NKAIN2: variants seen among roughly 807,000 people sequenced by gnomAD.
NKAIN2 encodes the protein sodium/potassium-transporting ATPase subunit beta-1-interacting protein 2.
In NKAIN2, 14 loss-of-function variants were observed where a neutral mutation model predicts 32.6. That is an observed-to-expected ratio of 0.43 (90% CI 0.28 to 0.67). NKAIN2 has a LOEUF of 0.67. NKAIN2 is among the 30% of genes least tolerant of loss of function. NKAIN2 has a pLI of 0.17. For missense variants in NKAIN2, 198 were observed against 258.3 expected, an observed-to-expected ratio of 0.77 and a Z score of 1.60; for synonymous variants, 80 against 87.2, an observed-to-expected ratio of 0.92 and a Z score of 0.46.
At chr6:124,699,897 G>A (rs931024274) in intron 4 of NKAIN2, among the ~76,000 whole-genome samples, 10 of 152,144 alleles carry the variant, frequency 6.6e-5, no homozygotes, top group African/African-American at 2.4e-4. Flanking sequence ...CTGATGGGAA[G>A]GGTGGCAAGA....
At chr6:123,827,734 A>G (rs1774206779) in intron 1 of NKAIN2, among the ~76,000 whole-genome samples, 1 of 152,240 alleles carries the variant, frequency 6.6e-6, no homozygotes, top group African/African-American at 2.4e-5. Context: ...AAGTTGTTTC[A>G]AATTTTGAAA....
At chr6:123,992,643 G>A (rs35314499) in intron 1 of NKAIN2, among the ~76,000 whole-genome samples, 48,106 of 151,994 alleles carry the variant, frequency 0.32, 7,938 homozygotes, top group East Asian at 0.42. Context: ...CTATAAAAAG[G>A]TACATAACAG....
intron 1 of NKAIN2, among the ~76,000 whole-genome samples, chr6:124,057,124 G>C (rs1782691645): frequency 6.6e-6 from 1 of 152,026 alleles, no homozygotes; most frequent in African/African-American, 2.4e-5. Flanking sequence ...CATTTGCTAA[G>C]TAAATATATA....
intron 1 of NKAIN2, among the ~76,000 whole-genome samples, chr6:123,932,565 C>T (rs1025283915): frequency 1.3e-5 from 2 of 151,538 alleles, no homozygotes; most frequent in Admixed American, 6.6e-5. Context: ...TACAGGTGTC[C>T]GCCAACCTGC....
At chr6:124,490,100 G>T (rs1206236951) in intron 3 of NKAIN2, among the ~76,000 whole-genome samples, 1 of 151,782 alleles carries the variant, frequency 6.6e-6, no homozygotes, top group Admixed American at 6.6e-5. Context: ...AGTTACATTT[G>T]CTTTGTTAGT....
At chr6:124,410,197 G>A (rs1774092939) in intron 3 of NKAIN2, among the ~76,000 whole-genome samples, 1 of 152,030 alleles carries the variant, frequency 6.6e-6, no homozygotes, top group African/African-American at 2.4e-5. Flanking sequence ...CTCTCCTTCA[G>A]TTCTGCTCTG....
At chr6:124,390,458 GCTATCTGAACA>G (rs1451969151) in intron 3 of NKAIN2, among the ~76,000 whole-genome samples, 3 of 152,060 alleles carry the variant, frequency 2.0e-5, no homozygotes, top group Admixed American at 1.3e-4. Context: ...TGCTTAATAT[GCTATCTGAACA>G]CTATCTGGCA....
chr6:124,341,162 T>C (rs571714560), intron 2 of NKAIN2, among the ~76,000 whole-genome samples: 1 of 152,008 alleles, frequency 6.6e-6, no homozygotes, highest in Non-Finnish European at 1.5e-5. Context: ...AACTAAACCG[T>C]TTTTTGCAAA....
chr6:124,026,845 GTC>G (rs1781135259), intron 1 of NKAIN2, among the ~76,000 whole-genome samples: 2 of 152,114 alleles, frequency 1.3e-5, no homozygotes, highest in Non-Finnish European at 2.9e-5. Context: ...CTCTTTGAGT[GTC>G]TACACTAGCT....
intron 1 of NKAIN2, among the ~76,000 whole-genome samples, chr6:124,143,059 A>G (rs1393670930): frequency 6.6e-6 from 1 of 152,244 alleles, no homozygotes; most frequent in African/African-American, 2.4e-5. Context: ...CTGAAGAGCC[A>G]AGAACATCTT....
At chr6:124,663,085 GTTTGA>G in intron 4 of NKAIN2, among the ~76,000 whole-genome samples, 1 of 152,144 alleles carries the variant, frequency 6.6e-6, no homozygotes, top group East Asian at 1.9e-4. Context: ...GGAAAAATTA[GTTTGA>G]TTTGAATTGA....
chr6:124,777,988 T>C (rs1054790673), intron 4 of NKAIN2, among the ~76,000 whole-genome samples: 1 of 150,894 alleles, frequency 6.6e-6, no homozygotes, highest in Admixed American at 6.6e-5. Flanking sequence ...CACACACACA[T>C]GTACACAGAG....
At chr6:124,741,294 CA>C in intron 4 of NKAIN2, among the ~76,000 whole-genome samples, 1 of 151,548 alleles carries the variant, frequency 6.6e-6, no homozygotes, top group East Asian at 2.0e-4. Flanking sequence ...ATTTGGGATT[CA>C]TTAATATTTA....
Position 124,760,231 on chromosome 6 carries a change from T to C in NKAIN2, c.475-31108T>C, listed in dbSNP as rs554723383. Reference sequence around the variant, plus strand: ...CTCATGGATACAAAGAAGGGAACAATAGACACTGGCGTCTACTTGAAGCAG... The same window carrying C: ...CTCATGGATACAAAGAAGGGAACAACAGACACTGGCGTCTACTTGAAGCAG... On this transcript the variant is annotated intron_variant, in intron 4 of 6. Coordinates refer to ENST00000368417, the MANE Select transcript of NKAIN2 (RefSeq NM_001040214.3). 1.4e-4 allele frequency among the ~76,000 whole-genome samples: 22 copies of C among 151,976 alleles called. No individual in the cohort carries two copies. In the South Asian group the frequency reaches 4.6e-3, roughly 32 times the overall value.
rs970413920 is a variant in NKAIN2, at chr6:124,557,346, TA to T, written c.274-100831del. Reference sequence around the variant, plus strand: ...TTTCTAAAGATGACTTGCCTTTCCCTAAAAAAAAACTCTTTGAGTTACATGT... The same window carrying T: ...TTTCTAAAGATGACTTGCCTTTCCCTAAAAAAAACTCTTTGAGTTACATGT... On this transcript the variant is annotated intron_variant, in intron 3 of 6. Coordinates refer to ENST00000368417, the MANE Select transcript of NKAIN2 (RefSeq NM_001040214.3). 6.5e-4 allele frequency among the ~76,000 whole-genome samples: 98 copies of T among 151,372 alleles called. 1 individual carries two copies. The highest frequency in any genetic ancestry group is 2.1e-3 in the African/African-American group (87 of 41,342).
intron 3 of NKAIN2, among the ~76,000 whole-genome samples, chr6:124,510,362 T>C (rs1778662659): frequency 6.6e-6 from 1 of 152,204 alleles, no homozygotes; most frequent in Non-Finnish European, 1.5e-5. Flanking sequence ...TTTGACTTTT[T>C]TTCTTTAAAC....
At chr6:124,575,612 T>C (rs75555391) in intron 3 of NKAIN2, among the ~76,000 whole-genome samples, 1,954 of 152,326 alleles carry the variant, frequency 0.013, 46 homozygotes, top group African/African-American at 0.045. Context: ...AGCAGGCATT[T>C]TCAGTCTTGT....
intron 1 of NKAIN2, among the ~76,000 whole-genome samples, chr6:123,812,479 T>C (rs561701288): frequency 6.6e-6 from 1 of 152,350 alleles, no homozygotes; most frequent in East Asian, 1.9e-4. Flanking sequence ...CTTGAGTTTC[T>C]TGAAATTATG....
At chr6:124,400,591 G>A (rs1227562972) in intron 3 of NKAIN2, among the ~76,000 whole-genome samples, 1 of 152,134 alleles carries the variant, frequency 6.6e-6, no homozygotes, top group African/African-American at 2.4e-5. Flanking sequence ...TTGAGTGTCT[G>A]CTGTACACCA....
Sources: gnomAD v4.1 joint callset for allele counts (sites outside exome capture counted in the v4.1 genomes callset) on GRCh38, gnomAD v4.1.1 for gene constraint, MANE v1.5 for transcripts, NCBI Gene and HGNC (gene_info 2026-07-23, HGNC 2026-07-21) for gene names.